MED23: variants seen among roughly 807,000 people sequenced by gnomAD.
MED23 encodes mediator complex subunit 23.
A neutral mutation model predicts 163.9 loss-of-function variants in MED23; 105 were observed. That is an observed-to-expected ratio of 0.64 (90% CI 0.55 to 0.75). The LOEUF is 0.75. Ranked by LOEUF, MED23 falls within the 30% of genes least tolerant of loss-of-function variation. The probability of loss-of-function intolerance (pLI) is 0.00; values close to 1 mark genes in which losing one functional copy is unlikely to be tolerated. For missense variants in MED23, 1,054 were observed against 1,649.0 expected (o/e 0.64, Z 6.25); for synonymous variants, 561 against 565.6 (o/e 0.99, Z 0.12).
intron 17 of MED23, among the ~76,000 whole-genome samples, chr6:131,600,390 T>A (rs1775376894): frequency 6.6e-6 from 1 of 152,186 alleles, no homozygotes; most frequent in African/African-American, 2.4e-5. Flanking sequence ...ACAAAAGACA[T>A]TTGAAATCTC....
chr6:131,595,806 T>C (rs1317330739), intron 22 of MED23, 141 bp downstream of exon 22: 12 of 677,756 alleles, frequency 1.8e-5, no homozygotes, highest in Non-Finnish European at 3.1e-5. Context: ...CATGGCACCA[T>C]CCATAGTACT....
At chr6:131,612,022 A>C (rs1316384331) in intron 10 of MED23, among the ~76,000 whole-genome samples, 1 of 152,154 alleles carries the variant, frequency 6.6e-6, no homozygotes, top group Non-Finnish European at 1.5e-5. Context: ...TTGACAAAGC[A>C]AGAACAACTA....
intron 20 of MED23, among the ~76,000 whole-genome samples, chr6:131,596,891 C>T (rs1403808053): frequency 6.6e-6 from 1 of 152,142 alleles, no homozygotes; most frequent in Non-Finnish European, 1.5e-5. Context: ...ATTCCTTCTG[C>T]CTGGGATGTC....
At chr6:131,584,131 T>G (rs1488524612), downstream of MED23, 2 of 554,510 alleles carry the variant, frequency 3.6e-6, no homozygotes, top group Non-Finnish European at 6.2e-6. Context: ...GGCAAAAGAC[T>G]TATCCTTAGA....
At chr6:131,614,491 T>C (rs1776518956) in intron 10 of MED23, among the ~76,000 whole-genome samples, 1 of 152,198 alleles carries the variant, frequency 6.6e-6, no homozygotes, top group African/African-American at 2.4e-5. Context: ...ACAAAAATAA[T>C]TGGAACCACT....
chr6:131,611,557 A>G (rs1488074581), intron 10 of MED23, among the ~76,000 whole-genome samples: 1 of 152,180 alleles, frequency 6.6e-6, no homozygotes, highest in Non-Finnish European at 1.5e-5. Flanking sequence ...AGACAACACT[A>G]CAGACTATTT....
chr6:131,576,771 C>T (rs1197630643), intron 30 of MED23: 2 of 1,568,436 alleles, frequency 1.3e-6, no homozygotes, highest in Non-Finnish European at 1.8e-6. Flanking sequence ...AGCCTGATTT[C>T]CTCCCCACTC....
At chr6:131,599,755 T>C (rs1775329440) in intron 18 of MED23, among the ~76,000 whole-genome samples, 1 of 151,958 alleles carries the variant, frequency 6.6e-6, no homozygotes, top group Non-Finnish European at 1.5e-5. Context: ...TTTTTTTTTT[T>C]TTCTACAGAC....
intron 26 of MED23, 105 bp from the exon 27 acceptor site, chr6:131,590,547 A>G: frequency 4.0e-6 from 3 of 742,562 alleles, no homozygotes; most frequent in South Asian, 1.9e-5. Flanking sequence ...ATAATTTTTT[A>G]AAGTTCCTTT....
intron 18 of MED23, among the ~76,000 whole-genome samples, chr6:131,599,173 C>T (rs969876757): frequency 6.6e-6 from 1 of 152,198 alleles, no homozygotes; most frequent in Non-Finnish European, 1.5e-5. Flanking sequence ...TCATCTGGGT[C>T]TTACAAGAAA....
chr6:131,581,398 T>C, intron 30 of MED23: 1 of 1,605,908 alleles, frequency 6.2e-7, no homozygotes, highest in Non-Finnish European at 8.5e-7. Context: ...TGGTTGGTAC[T>C]CTAGTGCAAT....
chr6:131,611,942 C>T lies in MED23; in HGVS notation c.877-1696G>A, dbSNP rs532232763. Among the ~76,000 whole-genome samples the T allele has an allele frequency of 1.8e-4, 28 of 152,190 alleles. No individual in the cohort carries two copies. In the South Asian group the frequency reaches 5.6e-3, roughly 30 times the overall value. On this transcript the variant is annotated intron_variant, in intron 10 of 28. Transcript: ENST00000368068. The stretch of plus-strand genomic sequence containing the variant: ...AAGAAAAAAACTGGATTTTCACCTA[C>T]ATATTTTTAGGCATGTAGTGATTAT...
At chr6:131,607,165 AAAC>A (rs1775913560) in intron 12 of MED23, among the ~76,000 whole-genome samples, 1 of 151,952 alleles carries the variant, frequency 6.6e-6, no homozygotes, top group South Asian at 2.1e-4. Flanking sequence ...AGGAAAGATG[AAAC>A]AAGAGTATTT....
chr6:131,584,103 G>A (rs917342667), downstream of MED23: 17 of 638,928 alleles, frequency 2.7e-5, no homozygotes, highest in Non-Finnish European at 3.9e-5. Flanking sequence ...AAATTTAAAA[G>A]CTTATATTTT....
At position 131,618,517 on chromosome 6, in the gene MED23, G is replaced by C. The variant is rs1293450628; in HGVS notation, c.670C>G (p.Arg224Gly). 1 of 1,605,944 alleles carries C rather than the reference G, an allele frequency of 6.2e-7. No homozygotes were observed. The highest frequency in any genetic ancestry group is 1.1e-5 in the South Asian group (1 of 90,898). The stretch of plus-strand genomic sequence containing the variant: ...TTTACAACTGGCAGAAGACTACAGC[G>C]ACCTGTATGTATTACAAAAATGTTT... Reference protein sequence around the residue: ...PTARINSICGRCSLLPVVNNS... With the variant: ...PTARINSICGGCSLLPVVNNS... The change falls in exon 9 of 29, where the codon CGC becomes GGC. Residue 224 changes from arginine to glycine, a missense_variant and splice_region_variant. Transcript: ENST00000368068.
At chr6:131,624,146 ATCT>A (rs971100136) in intron 4 of MED23, among the ~76,000 whole-genome samples, 20 of 152,322 alleles carry the variant, frequency 1.3e-4, no homozygotes, top group African/African-American at 4.6e-4. Context: ...TTGATCCCAC[ATCT>A]TCTTCTGAAA....
intron 23 of MED23, among the ~76,000 whole-genome samples, chr6:131,593,402 T>C (rs1017016514): frequency 6.6e-6 from 1 of 152,222 alleles, no homozygotes; most frequent in Non-Finnish European, 1.5e-5. Context: ...TGACATATAA[T>C]AGCCACAGAT....
chr6:131,602,340 C>T lies in MED23; in HGVS notation c.1973G>A (p.Ser658Asn), dbSNP rs781551371. Residue 658 changes from serine to asparagine, a missense_variant, in exon 17 of 29, where the codon AGC becomes AAC. By Grantham distance (46) the Ser-to-Asn change is conservative. Transcript: ENST00000368068. ...TGTAAACTGCGGTTGTACCTCTGAG[C>T]TACCTAATGCTGTTATAAGCCTGAG... ...TALRLITALG[S>N]SEVQPQFTRF... The T allele has an allele frequency of 1.2e-6, 2 of 1,613,622 alleles. No individual in the cohort carries two copies. The highest frequency in any genetic ancestry group is 2.7e-5 in the African/African-American group (2 of 74,848).
At chr6:131,627,990 A>G (rs771015511) in intron 1 of MED23, 21 bp downstream of exon 1, 1 of 1,613,858 alleles carries the variant, frequency 6.2e-7, no homozygotes, top group Middle Eastern at 1.6e-4. Context: ...GTAGTCCTGG[A>G]TGGCCGGCAG....
Sources: gnomAD v4.1 joint callset for allele counts (sites outside exome capture counted in the v4.1 genomes callset) on GRCh38, gnomAD v4.1.1 for gene constraint, MANE v1.5 for transcripts, NCBI Gene and HGNC (gene_info 2026-07-23, HGNC 2026-07-21) for gene names.